Variants in VPS35 observed in about 807,000 individuals in gnomAD.
The protein encoded by VPS35 is VPS35 retromer complex component.
Under a neutral mutation model 98.1 loss-of-function variants are expected in VPS35, and 21 were observed. The observed-to-expected ratio is 0.21, with a 90% CI of 0.15 to 0.31. VPS35 has a LOEUF of 0.31. Among genes scored for constraint, VPS35 ranks in the 10% least tolerant of loss-of-function variants. The pLI, the probability that VPS35 is intolerant of heterozygous loss-of-function variation, is 1.00. For synonymous variants in VPS35, 268 were observed against 318.2 expected (o/e 0.84, Z 1.68); for missense variants, 554 against 950.8 (o/e 0.58, Z 5.49).
chr16:46,681,866 C>T (rs1457234188), intron 3 of VPS35: 14 of 567,272 alleles, frequency 2.5e-5, no homozygotes, highest in African/African-American at 1.1e-4. Context: ...TGAGATGCAC[C>T]GACAACACAT....
intron 8 of VPS35, among the ~76,000 whole-genome samples, chr16:46,676,280 G>C (rs1363549342): frequency 6.6e-6 from 1 of 151,984 alleles, no homozygotes; most frequent in Non-Finnish European, 1.5e-5. Context: ...TCTTCAATAT[G>C]ATCTTTGGAT....
rs531099708 is a variant in VPS35, at chr16:46,684,910, T to C, written c.4-1304A>G. Among the ~76,000 whole-genome samples the C allele has an allele frequency of 5.9e-5, 9 of 152,292 alleles. No homozygotes were observed. The East Asian group carries it at 1.5e-3, about 26-fold the overall frequency. The stretch of plus-strand genomic sequence containing the variant: ...ACATAAACAAACCTAGAAAACATCA[T>C]GCTAAATGAAAGAAGCTAGACATAA... On this transcript the variant is annotated intron_variant, in intron 1 of 16. Transcript: ENST00000299138.
intron 14 of VPS35, 29 bp from the exon 15 acceptor site, chr16:46,662,511 C>G: frequency 5.0e-6 from 8 of 1,611,380 alleles, no homozygotes; most frequent in Non-Finnish European, 6.8e-6. Flanking sequence ...AAAGGACTTT[C>G]AAGGACCAAC....
At chr16:46,679,263 AT>A (rs1966196075) in intron 5 of VPS35, 107 bp from the exon 6 acceptor site, 1 of 1,043,210 alleles carries the variant, frequency 9.6e-7, no homozygotes, top group African/African-American at 1.6e-5. Context: ...CCAATGCTTT[AT>A]AAAAAATCAC....
At chr16:46,681,638 A>G in intron 3 of VPS35, 138 bp from the exon 4 acceptor site, 2 of 1,031,240 alleles carry the variant, frequency 1.9e-6, no homozygotes, top group Non-Finnish European at 2.9e-6. Flanking sequence ...GCGAAGGATG[A>G]ATTTTAGCCG....
chr16:46,664,710 G>A (rs1012799128), intron 13 of VPS35, among the ~76,000 whole-genome samples: 5 of 151,492 alleles, frequency 3.3e-5, no homozygotes, highest in East Asian at 2.0e-4. Flanking sequence ...TAGTAGAGAC[G>A]GGGTTTCTCC....
chr16:46,668,787 A>C (rs1199679746), intron 13 of VPS35, 143 bp downstream of exon 13: 3 of 1,146,810 alleles, frequency 2.6e-6, no homozygotes, highest in Non-Finnish European at 3.7e-6. Context: ...AGTAACAAAT[A>C]GAGAGTTGGC....
intron 1 of VPS35, among the ~76,000 whole-genome samples, chr16:46,684,632 T>C (rs1966284724): frequency 2.0e-5 from 3 of 152,336 alleles, no homozygotes; most frequent in East Asian, 3.9e-4. Context: ...AAACACTGTT[T>C]ACATCTCCAC....
Position 46,660,598 on chromosome 16 carries a change from C to A in VPS35, c.2265G>T (p.Pro755=). 1.9e-6 allele frequency: 3 copies of A among 1,613,926 alleles called. No homozygotes were observed. The highest frequency in any genetic ancestry group is 2.5e-6 in the Non-Finnish European group (3 of 1,179,990). ...CTGTTTCTTCACTGGATTCAAGATT[C>A]GGGAGGTCTTCTCGAATCTTTTGGA... ...QLIQKIREDL[P]NLESSEETEQ... Residue 755 remains proline (P), a synonymous_variant, in exon 17 of 17, where the codon CCG becomes CCT. Transcript: ENST00000299138.
chr16:46,687,604 T>C (rs1018980416), intron 1 of VPS35, among the ~76,000 whole-genome samples: 2 of 152,070 alleles, frequency 1.3e-5, no homozygotes, highest in Non-Finnish European at 2.9e-5. Flanking sequence ...GTATTACAGT[T>C]AAGTTCTACA....
In VPS35 at chr16:46,659,607, C is replaced by T. The variant is rs1467381984; in HGVS notation, c.*865G>A. 1 of 151,962 alleles carries T rather than the reference C, an allele frequency of 6.6e-6. No individual in the cohort carries two copies. Among genetic ancestry groups the T allele is most frequent in the East Asian group, 1.9e-4 (1 of 5,190 alleles). 9.4% of individuals were successfully genotyped at this position (151,962 alleles called of 1,614,324 possible). A position where few individuals can be genotyped will look rare whatever the true frequency, so the allele number is the denominator to read the frequency against. ...TGAATATATGAGAATGACTATTAAA[C>T]TCTATAGCCATACTACTAGTACTTT... is the stretch of plus-strand genomic sequence containing the variant. On this transcript the variant is annotated 3_prime_UTR_variant, in exon 17 of 17. Transcript: ENST00000299138.
chr16:46,676,065 C>CAAAAAA (rs369452932), intron 8 of VPS35, among the ~76,000 whole-genome samples: 1 of 63,576 alleles, frequency 1.6e-5, no homozygotes, highest in African/African-American at 6.9e-5. Flanking sequence ...GGATCTGTCT[C>CAAAAAA]AAAAAAAAAA....
intron 6 of VPS35, among the ~76,000 whole-genome samples, chr16:46,678,144 T>C (rs1196520732): frequency 1.3e-5 from 2 of 152,200 alleles, no homozygotes; most frequent in African/African-American, 2.4e-5. Context: ...AAAGTTTTAC[T>C]AGAACACAGC....
At chr16:46,686,154 G>A (rs890201051) in intron 1 of VPS35, among the ~76,000 whole-genome samples, 11 of 151,882 alleles carry the variant, frequency 7.2e-5, no homozygotes, top group African/African-American at 2.4e-4. Context: ...TTTATGTCTC[G>A]CTTATTTCAC....
Position 46,661,711 on chromosome 16 carries a change from C to T in VPS35, c.2211+7G>A, listed in dbSNP as rs1306203737. On this transcript the variant is annotated splice_region_variant and intron_variant, in intron 16 of 16. Coordinates refer to ENST00000299138, the MANE Select transcript of VPS35 (RefSeq NM_018206.6). This position sits in a 1 kb window ranked among gnomAD's most constrained non-coding sequence, Gnocchi z 4.3. The stretch of plus-strand genomic sequence containing the variant: ...GTTTATTAACAACACTTTACTAATT[C>T]ACTTACCGCATCATTTTCCTTTTCA... The T allele has an allele frequency of 6.2e-7, 1 of 1,600,596 alleles. No individual in the cohort carries two copies. Among genetic ancestry groups the T allele is most frequent in the Non-Finnish European group, 8.6e-7 (1 of 1,167,884 alleles).
intron 12 of VPS35, among the ~76,000 whole-genome samples, chr16:46,670,335 G>A (rs1966050221): frequency 1.3e-5 from 2 of 152,188 alleles, no homozygotes; most frequent in Admixed American, 1.3e-4. Flanking sequence ...CCAGGCTGGA[G>A]TGCAATGGCA....
At position 46,662,279 on chromosome 16, in the gene VPS35, G is replaced by C; in HGVS notation, c.2031C>G (p.Phe677Leu). The C allele has an allele frequency of 1.9e-6, 3 of 1,614,124 alleles. No homozygotes were observed. The highest frequency in any genetic ancestry group is 2.7e-5 in the African/African-American group (2 of 75,022). Reference sequence around the variant, plus strand: ...TTTTGTCCGTGTTTCTGCCAGACCAGAAGAGATGTGCACAGGTGCTCACAG... The same window carrying C: ...TTTTGTCCGTGTTTCTGCCAGACCACAAGAGATGTGCACAGGTGCTCACAG... ...GRAVSTCAHL[F>L]WSGRNTDKNG... The change falls in exon 15 of 17, where the codon TTC becomes TTG. Residue 677 changes from phenylalanine (F) to leucine (L), a missense_variant. Phe to Leu is a conservative substitution (Grantham distance 22). Coordinates refer to ENST00000299138, the MANE Select transcript of VPS35 (RefSeq NM_018206.6).
At chr16:46,676,795 T>C in intron 7 of VPS35, 103 bp from the exon 8 acceptor site, 2 of 803,620 alleles carry the variant, frequency 2.5e-6, no homozygotes, top group East Asian at 2.6e-5. Flanking sequence ...TGTATTCTTA[T>C]ACAACTAAAT....
Position 46,661,599 on chromosome 16 carries a change from AT to A in VPS35, c.2211+118del, listed in dbSNP as rs1308295963. ...ATTTGACATCTGTAAATTATTTTAC[AT>A]TTTTCAAATGAACAGTGATTAAAGT... On this transcript the variant is annotated intron_variant, in intron 16 of 16. Coordinates refer to ENST00000299138, the MANE Select transcript of VPS35 (RefSeq NM_018206.6). This position sits in a 1 kb window ranked among gnomAD's most constrained non-coding sequence, Gnocchi z 4.3. The A allele has an allele frequency of 2.1e-6, 2 of 967,972 alleles. No homozygotes were observed. The highest frequency in any genetic ancestry group is 3.1e-6 in the Non-Finnish European group (2 of 636,660). The allele number at this position is 967,972 out of a possible 1,614,324, so 60.0% of individuals were successfully genotyped here.
Sources: gnomAD v4.1 joint callset for allele counts (sites outside exome capture counted in the v4.1 genomes callset) on GRCh38, gnomAD v4.1.1 for gene constraint, Gnocchi (gnomAD v3.1) non-coding constraint, MANE v1.5 for transcripts, NCBI Gene and HGNC (gene_info 2026-07-23, HGNC 2026-07-21) for gene names.